The following CSMD1 variants were observed in gnomAD, a reference collection of about 807,000 sequenced individuals.
CSMD1 encodes the protein CUB and Sushi multiple domains 1, also known as CUB and sushi domain-containing protein 1.
A neutral mutation model predicts 417.5 loss-of-function variants in CSMD1; 213 were observed. The ratio of observed to expected loss-of-function variants is 0.51; its 90% confidence interval spans 0.46 to 0.57. The LOEUF (loss-of-function observed/expected upper bound fraction) is 0.57. Among genes scored for constraint, CSMD1 ranks in the 20% least tolerant of loss-of-function variants. The pLI, the probability that CSMD1 is intolerant of heterozygous loss-of-function variation, is 0.00. For synonymous variants in CSMD1, 2,862 were observed against 1,736.8 expected (o/e 1.65, Z -16.11); for missense variants, 6,923 against 4,529.7 (o/e 1.53, Z -15.17).
chr8:3,406,240 GA>G lies in CSMD1; in HGVS notation c.2072-20del, dbSNP rs775906061. ...CCAAATGCTGAAAGAAAAAGAAGAA[GA>G]AAAAAGGAATAAAAATACTTGAGTA... On this transcript the variant is annotated intron_variant, in intron 14 of 69. Coordinates refer to ENST00000635120, the MANE Select transcript of CSMD1 (RefSeq NM_033225.6). 8.4e-6 allele frequency: 13 copies of G among 1,538,884 alleles called. No individual in the cohort carries two copies. The African/African-American group carries it at 1.3e-4, about 15-fold the overall frequency.
chr8:3,564,794 G>C (rs909429862), intron 10 of CSMD1, among the ~76,000 whole-genome samples: 1 of 151,898 alleles, frequency 6.6e-6, no homozygotes, highest in Middle Eastern at 3.2e-3. Flanking sequence ...TGATGACAGA[G>C]GTGTGAGAGG....
At chr8:3,828,167 G>A (rs1047803290) in intron 5 of CSMD1, among the ~76,000 whole-genome samples, 2 of 152,082 alleles carry the variant, frequency 1.3e-5, no homozygotes, top group East Asian at 3.9e-4. Context: ...CATTTACAAA[G>A]GCAATCCAAG....
intron 3 of CSMD1, among the ~76,000 whole-genome samples, chr8:4,410,722 C>G (rs1023995242): frequency 6.6e-6 from 1 of 151,870 alleles, no homozygotes; most frequent in Non-Finnish European, 1.5e-5. Flanking sequence ...GAAGTATGTA[C>G]AGAAGATAAA....
intron 26 of CSMD1, among the ~76,000 whole-genome samples, chr8:3,282,968 C>G (rs1802851702): frequency 1.3e-5 from 2 of 152,066 alleles, no homozygotes; most frequent in Non-Finnish European, 2.9e-5. Context: ...TGGCATCTCT[C>G]CACGGTGCCA....
intron 1 of CSMD1, among the ~76,000 whole-genome samples, chr8:4,976,524 C>G (rs1019479050): frequency 6.6e-6 from 1 of 152,118 alleles, no homozygotes; most frequent in Non-Finnish European, 1.5e-5. Flanking sequence ...TGTGGCATGC[C>G]TAGCATTCAA....
chr8:4,102,581 T>A (rs1164098397), intron 3 of CSMD1, among the ~76,000 whole-genome samples: 1 of 152,172 alleles, frequency 6.6e-6, no homozygotes, highest in East Asian at 1.9e-4. Context: ...CAGGCTGAAA[T>A]AATTCAATCT....
chr8:3,596,801 C>A (rs1256284360), intron 8 of CSMD1, among the ~76,000 whole-genome samples: 1 of 152,080 alleles, frequency 6.6e-6, no homozygotes, highest in Non-Finnish European at 1.5e-5. Flanking sequence ...CACACACATG[C>A]ATACATGCAT....
intron 1 of CSMD1, among the ~76,000 whole-genome samples, chr8:4,940,474 G>A (rs1179869088): frequency 6.6e-6 from 1 of 152,190 alleles, no homozygotes; most frequent in East Asian, 1.9e-4. Context: ...GGAAGGGCAT[G>A]GTCTGTGTCC....
intron 3 of CSMD1, among the ~76,000 whole-genome samples, chr8:4,295,866 A>G (rs540843712): frequency 2.0e-5 from 3 of 149,872 alleles, no homozygotes; most frequent in South Asian, 2.1e-4. Flanking sequence ...CATTATCCCA[A>G]ACAAGTACAA....
intron 1 of CSMD1, among the ~76,000 whole-genome samples, chr8:4,903,250 G>A (rs1302004839): frequency 6.6e-6 from 1 of 152,154 alleles, no homozygotes; most frequent in Non-Finnish European, 1.5e-5. Context: ...CAGACTTAGT[G>A]TGTCATCTTC....
At chr8:3,035,781 G>A (rs780705203) in intron 50 of CSMD1, among the ~76,000 whole-genome samples, 2 of 152,124 alleles carry the variant, frequency 1.3e-5, no homozygotes, top group Non-Finnish European at 2.9e-5. Context: ...AAAAACATAA[G>A]GGTTTAGCTG....
chr8:3,845,147 G>A (rs562454981), intron 5 of CSMD1, among the ~76,000 whole-genome samples: 1 of 152,182 alleles, frequency 6.6e-6, no homozygotes, highest in African/African-American at 2.4e-5. Context: ...TTGAATTGAA[G>A]GCAGGAAGAC....
At chr8:4,217,019 T>C (rs775607568) in intron 3 of CSMD1, among the ~76,000 whole-genome samples, 4 of 152,204 alleles carry the variant, frequency 2.6e-5, no homozygotes, top group Non-Finnish European at 5.9e-5. Context: ...TTGTGTCTCT[T>C]AAAGGATAAG....
intron 1 of CSMD1, among the ~76,000 whole-genome samples, chr8:4,723,956 G>C (rs535320706): frequency 6.6e-6 from 1 of 152,162 alleles, no homozygotes; most frequent in East Asian, 1.9e-4. Context: ...CTAGATAAGT[G>C]CATCCAATCT....
chr8:4,241,496 T>G (rs578181489), intron 3 of CSMD1, among the ~76,000 whole-genome samples: 1 of 152,282 alleles, frequency 6.6e-6, no homozygotes, highest in South Asian at 2.1e-4. Context: ...GATGTGTCTT[T>G]GAATGTCTGT....
chr8:4,579,270 T>A (rs200314990), intron 2 of CSMD1, among the ~76,000 whole-genome samples: 1 of 117,154 alleles, frequency 8.5e-6, no homozygotes, highest in Non-Finnish European at 2.1e-5. Context: ...TATATATACA[T>A]ATATATATGT....
At chr8:3,505,453 C>A (rs923617304) in intron 10 of CSMD1, among the ~76,000 whole-genome samples, 1 of 152,152 alleles carries the variant, frequency 6.6e-6, no homozygotes, top group African/African-American at 2.4e-5. Flanking sequence ...GGAAGATACA[C>A]TTTCACGACT....
In CSMD1 at chr8:3,409,319, G is replaced by C. The variant is rs996988336; in HGVS notation, c.1744+104C>G. On this transcript the variant is annotated intron_variant, in intron 13 of 69. Coordinates refer to ENST00000635120, the MANE Select transcript of CSMD1 (RefSeq NM_033225.6). Reference sequence around the variant, plus strand: ...TAAATGTGGCACCCCGAGCCATTCTGAAAGCTGCCCTCCCTAAATGGGCGG... The same window carrying C: ...TAAATGTGGCACCCCGAGCCATTCTCAAAGCTGCCCTCCCTAAATGGGCGG... 6 of 1,106,786 alleles carry C rather than the reference G, an allele frequency of 5.4e-6. No homozygotes were observed. In the African/African-American group the frequency reaches 7.9e-5, roughly 15 times the overall value. 68.6% of individuals were successfully genotyped at this position (1,106,786 alleles called of 1,614,324 possible).
At chr8:3,659,141 A>T (rs1173217880) in intron 7 of CSMD1, among the ~76,000 whole-genome samples, 1 of 152,192 alleles carries the variant, frequency 6.6e-6, no homozygotes, top group African/African-American at 2.4e-5. Context: ...TTAAAATAAA[A>T]TGTAACTTGT....
Sources: allele counts gnomAD v4.1 joint callset (sites outside exome capture counted in the v4.1 genomes callset), GRCh38; gene constraint gnomAD v4.1.1; transcripts MANE v1.5; gene names NCBI Gene and HGNC (gene_info 2026-07-23, HGNC 2026-07-21).